The following AP2A2 variants were observed in gnomAD, a reference collection of about 807,000 sequenced individuals.
AP2A2 encodes AP-2 complex subunit alpha-2.
A neutral mutation model predicts 104.2 loss-of-function variants in AP2A2; 32 were observed. That is an observed-to-expected ratio of 0.31 (90% CI 0.23 to 0.41). The LOEUF (loss-of-function observed/expected upper bound fraction) is 0.41. Among genes scored for constraint, AP2A2 ranks in the 10% least tolerant of loss-of-function variants. The pLI is 1.00. For synonymous variants in AP2A2, 539 were observed against 533.3 expected (o/e 1.01, Z -0.15); for missense variants, 912 against 1,261.0 (o/e 0.72, Z 4.19).
At chr11:1,002,511 G>A (rs1456841836) in intron 15 of AP2A2, among the ~76,000 whole-genome samples, 1 of 152,278 alleles carries the variant, frequency 6.6e-6, no homozygotes, top group Admixed American at 6.5e-5. Flanking sequence ...TGCAGGGGGC[G>A]GCTGTGGCCT....
chr11:957,508 G>A (rs1246101573), intron 1 of AP2A2, among the ~76,000 whole-genome samples: 3 of 152,236 alleles, frequency 2.0e-5, no homozygotes, highest in Non-Finnish European at 4.4e-5. Context: ...AGGTAGGTCA[G>A]AGAATTTATG....
intron 16 of AP2A2, 33 bp downstream of exon 16, chr11:1,003,837 CT>C: frequency 7.1e-7 from 1 of 1,405,566 alleles, no homozygotes; most frequent in Non-Finnish European, 9.9e-7. Flanking sequence ...GAAACTGTCT[CT>C]TAGAAATATG....
At chr11:943,559 GA>G (rs1245702603) in intron 1 of AP2A2, among the ~76,000 whole-genome samples, 2 of 152,226 alleles carry the variant, frequency 1.3e-5, no homozygotes, top group South Asian at 4.1e-4. Flanking sequence ...AAGACAATGT[GA>G]GGGGTGGTCT....
chr11:955,605 C>G (rs1264526664), intron 1 of AP2A2, among the ~76,000 whole-genome samples: 1 of 152,184 alleles, frequency 6.6e-6, no homozygotes, highest in East Asian at 1.9e-4. Flanking sequence ...GTTGTGTTCC[C>G]AGCACCTGGG....
rs1166648765 is a variant in AP2A2, at chr11:992,917, A to G, written c.1452+232A>G. On this transcript the variant is annotated intron_variant, in intron 11 of 21. Transcript: ENST00000448903. The surrounding 1 kb of genome is among the most constrained non-coding windows in gnomAD (Gnocchi z 6.4). ...TGGCTCTCTGGGGGCCACCTGAGAA[A>G]GCCGGCCTCTGTGTGTGTGAGAGCA... Among the ~76,000 whole-genome samples, 1 of 151,968 alleles carries G rather than the reference A, an allele frequency of 6.6e-6. No homozygotes were observed. The highest frequency in any genetic ancestry group is 2.4e-5 in the African/African-American group (1 of 41,362).
chr11:973,168 G>A lies in AP2A2; in HGVS notation c.473+913G>A, dbSNP rs533742449. Among the ~76,000 whole-genome samples the A allele has an allele frequency of 2.0e-4, 30 of 152,348 alleles. No individual in the cohort carries two copies. In the South Asian group the frequency reaches 6.2e-3, roughly 32 times the overall value. ...GACATCCACCCAGACCACACAGTGA[G>A]GACTGGAGACAAGGTGGTGGGAAGG... On this transcript the variant is annotated intron_variant, in intron 4 of 21. Coordinates refer to ENST00000448903, the MANE Select transcript of AP2A2 (RefSeq NM_012305.4).
intron 14 of AP2A2, among the ~76,000 whole-genome samples, chr11:999,949 G>A (rs550661971): frequency 7.3e-5 from 11 of 151,662 alleles, no homozygotes; most frequent in Admixed American, 2.0e-4. Flanking sequence ...GACTACAGGC[G>A]CCCACCACCA....
chr11:980,025 G>A (rs188787713), intron 5 of AP2A2, among the ~76,000 whole-genome samples: 6 of 152,166 alleles, frequency 3.9e-5, no homozygotes, highest in Non-Finnish European at 7.4e-5. Flanking sequence ...GTCCTGGAGC[G>A]GTGACAGGCT....
intron 18 of AP2A2, 149 bp from the exon 19 acceptor site, chr11:1,008,951 G>A (rs1387032747): frequency 3.1e-6 from 2 of 636,982 alleles, no homozygotes; most frequent in Non-Finnish European, 5.5e-6. Context: ...AGCCACACAC[G>A]ATCCGTGGGG....
intron 1 of AP2A2, among the ~76,000 whole-genome samples, chr11:930,427 C>T (rs375722256): frequency 1.3e-5 from 2 of 152,122 alleles, no homozygotes; most frequent in Non-Finnish European, 2.9e-5. Flanking sequence ...TGCATTTGGT[C>T]AGCATGCATT....
At chr11:960,338 G>T (rs1174216536) in intron 2 of AP2A2, among the ~76,000 whole-genome samples, 3 of 152,126 alleles carry the variant, frequency 2.0e-5, no homozygotes, top group African/African-American at 7.2e-5. Flanking sequence ...CGCCTTCCAG[G>T]TTCAAGCGGT....
Position 1,003,594 on chromosome 11 carries a change from T to C in AP2A2, c.2124-128T>C, listed in dbSNP as rs1000509326. 1.4e-5 allele frequency: 8 copies of C among 564,230 alleles called. No homozygotes were observed. The African/African-American group carries it at 1.6e-4, about 11-fold the overall frequency. 35.0% of individuals were successfully genotyped at this position (564,230 alleles called of 1,614,324 possible). A position where few individuals can be genotyped will look rare whatever the true frequency, so the allele number is the denominator to read the frequency against. The stretch of plus-strand genomic sequence containing the variant: ...GATAGTCCTTGGAATAGTTTCCACT[T>C]TTTTCTTCCCTTGTGTGCCATAGAG... On this transcript the variant is annotated intron_variant, in intron 15 of 21. Transcript: ENST00000448903.
At chr11:970,335 CG>C in intron 3 of AP2A2, 24 bp downstream of exon 3, 8 of 1,609,672 alleles carry the variant, frequency 5.0e-6, no homozygotes, top group Non-Finnish European at 5.9e-6. Context: ...CAGGTGGAGA[CG>C]GCAGAGGATG....
chr11:1,008,416 C>T, intron 18 of AP2A2: 1 of 397,608 alleles, frequency 2.5e-6, no homozygotes, highest in Non-Finnish European at 4.4e-6. Context: ...CATGGGGTGG[C>T]AGACAGCCAG....
At chr11:1,006,418 A>C in intron 16 of AP2A2, 110 bp from the exon 17 acceptor site, 1 of 795,006 alleles carries the variant, frequency 1.3e-6, no homozygotes, top group Non-Finnish European at 2.1e-6. Context: ...ACATCACAAC[A>C]GTGAACTTAA....
chr11:1,007,361 T>G (rs1464169722), intron 17 of AP2A2: 1 of 154,142 alleles, frequency 6.5e-6, no homozygotes, highest in Non-Finnish European at 1.4e-5. Context: ...AAGACTTTGT[T>G]TGGAATCTGG....
chr11:985,629 C>G (rs779623381), intron 8 of AP2A2, 47 bp downstream of exon 8: 48 of 1,609,800 alleles, frequency 3.0e-5, no homozygotes, highest in Non-Finnish European at 3.9e-5. Context: ...CACACACACA[C>G]GTTCCTTCTC....
chr11:931,590 G>A (rs1050649060), intron 1 of AP2A2, among the ~76,000 whole-genome samples: 10 of 152,184 alleles, frequency 6.6e-5, no homozygotes, highest in African/African-American at 2.4e-4. Context: ...CTGGTGTGGT[G>A]CAGATGCTTG....
At chr11:975,446 C>T (rs1159411079) in intron 4 of AP2A2, among the ~76,000 whole-genome samples, 3 of 148,684 alleles carry the variant, frequency 2.0e-5, no homozygotes, top group African/African-American at 5.1e-5. Context: ...CGGAGAGTAG[C>T]GGTGGGGTCC....
Sources: allele counts gnomAD v4.1 joint callset (sites outside exome capture counted in the v4.1 genomes callset), GRCh38; gene constraint gnomAD v4.1.1; non-coding constraint Gnocchi (gnomAD v3.1); transcripts MANE v1.5; gene names NCBI Gene and HGNC (gene_info 2026-07-23, HGNC 2026-07-21).